Variants in CDX1 observed in about 807,000 individuals in gnomAD.
CDX1 encodes homeobox protein CDX-1.
Under a neutral mutation model 16.9 loss-of-function variants are expected in CDX1, and 9 were observed. The ratio of observed to expected loss-of-function variants is 0.53; its 90% CI spans 0.32 to 0.93. CDX1 has a LOEUF of 0.93. Ranked by LOEUF, CDX1 falls within the 40% of genes least tolerant of loss-of-function variation. The pLI is 0.04. For synonymous variants in CDX1, 179 were observed against 179.0 expected (o/e 1.00, Z 0.00); for missense variants, 393 against 386.1 (o/e 1.02, Z -0.15).
intron 1 of CDX1, 73 bp from the exon 2 acceptor site, chr5:150,182,695 G>T: frequency 7.0e-7 from 1 of 1,434,814 alleles, no homozygotes; most frequent in Non-Finnish European, 9.3e-7. Context: ...TCCTCCTGGG[G>T]GTCCTGCCTG....
chr5:150,171,145 C>T (rs1403401780), intron 1 of CDX1, among the ~76,000 whole-genome samples: 4 of 152,142 alleles, frequency 2.6e-5, no homozygotes, highest in Non-Finnish European at 5.9e-5. Context: ...TCCCCTCCCC[C>T]CACATTGCAG....
Position 150,172,544 on chromosome 5 carries a change from C to T in CDX1, c.445+5223C>T, listed in dbSNP as rs892833268. On this transcript the variant is annotated intron_variant, in intron 1 of 2. Transcript: ENST00000231656. ...TACACCCAGTCTACAGCCCAGCAAT[C>T]GTCTGTGAAATAAAGACACACTCAC... Among the ~76,000 whole-genome samples the T allele has an allele frequency of 2.6e-5, 4 of 152,118 alleles. No homozygotes were observed. In the South Asian group the frequency reaches 8.3e-4, roughly 32 times the overall value.
intron 1 of CDX1, among the ~76,000 whole-genome samples, chr5:150,167,653 C>T (rs1260692933): frequency 6.6e-6 from 1 of 152,362 alleles, no homozygotes; most frequent in Non-Finnish European, 1.5e-5. Context: ...TTAGCAACAC[C>T]GACTCCGTGC....
At chr5:150,176,202 G>A (rs556717059) in intron 1 of CDX1, among the ~76,000 whole-genome samples, 17 of 152,268 alleles carry the variant, frequency 1.1e-4, no homozygotes, top group East Asian at 1.9e-4. Context: ...CCCTTGCAGC[G>A]CTCCTACAAG....
At chr5:150,167,711 C>G (rs1477943146) in intron 1 of CDX1, among the ~76,000 whole-genome samples, 1 of 152,266 alleles carries the variant, frequency 6.6e-6, no homozygotes, top group Admixed American at 6.5e-5. Context: ...GCAAAGGCGG[C>G]AGGTTCGCCC....
intron 1 of CDX1, 27 bp from the exon 2 acceptor site, chr5:150,182,741 T>G (rs781624212): frequency 1.0e-5 from 16 of 1,533,060 alleles, no homozygotes; most frequent in East Asian, 7.3e-5. Flanking sequence ...CAACTCACCT[T>G]CCTTCCCGGC....
rs142955459 is a variant in CDX1, at chr5:150,183,598, C to T, written c.716C>T (p.Ser239Phe). 3.0e-5 allele frequency: 49 copies of T among 1,610,030 alleles called. No homozygotes were observed. In the African/African-American group the frequency reaches 6.1e-4, roughly 20 times the overall value. ...HDITATPAGP[S>F]LGGLCPSNTS... Reference sequence around the variant, plus strand: ...ATCACGGCCACCCCAGCCGGGCCATCCCTGGGGGGCCTGTGTCCCAGCAAC... The same window carrying T: ...ATCACGGCCACCCCAGCCGGGCCATTCCTGGGGGGCCTGTGTCCCAGCAAC... The change falls in exon 3 of 3, where the codon TCC (serine) becomes TTC (phenylalanine). Residue 239 changes from serine (S) to phenylalanine (F), a missense_variant. Transcript: ENST00000231656.
At chr5:150,169,699 G>A (rs1027106596) in intron 1 of CDX1, among the ~76,000 whole-genome samples, 3 of 152,182 alleles carry the variant, frequency 2.0e-5, no homozygotes, top group African/African-American at 7.2e-5. Context: ...CAGGACAGCT[G>A]AAGGAGGATC....
At chr5:150,178,708 A>G (rs1250139817) in intron 1 of CDX1, among the ~76,000 whole-genome samples, 3 of 152,192 alleles carry the variant, frequency 2.0e-5, no homozygotes. Context: ...GTGGCTTTCC[A>G]ACCTCCAGTG....
At chr5:150,168,728 T>C (rs1014670331) in intron 1 of CDX1, among the ~76,000 whole-genome samples, 129 of 152,352 alleles carry the variant, frequency 8.5e-4, no homozygotes, top group African/African-American at 2.1e-3. Context: ...CCACTAAGTC[T>C]GTGCTCTAAT....
rs1752497972 is a variant in CDX1 at position 150,183,545 on chromosome 5, G to T, written c.663G>T (p.Gln221His). 1.2e-6 allele frequency: 2 copies of T among 1,612,142 alleles called. No individual in the cohort carries two copies. The highest frequency in any genetic ancestry group is 1.7e-6 in the Non-Finnish European group (2 of 1,178,822). ...ACAAGAAGAAACAGCAGCAGCAACAGCCCCCACAGCCGCCGATGGCCCACG... is the reference window on the plus strand; with the variant it reads ...ACAAGAAGAAACAGCAGCAGCAACATCCCCCACAGCCGCCGATGGCCCACG... ...KVNKKKQQQQ[Q>H]PPQPPMAHDI... The change falls in exon 3 of 3, where the codon CAG (glutamine) becomes CAT (histidine). Residue 221 changes from glutamine to histidine, a missense_variant. By Grantham distance (24) the Gln-to-His change is conservative. Coordinates refer to ENST00000231656, the MANE Select transcript of CDX1 (RefSeq NM_001804.3).
At chr5:150,183,285 AG>A (rs1163546285) in intron 2 of CDX1, among the ~76,000 whole-genome samples, 188 bp from the exon 3 acceptor site, 2 of 152,118 alleles carry the variant, frequency 1.3e-5, no homozygotes, top group Non-Finnish European at 2.9e-5. Context: ...GGGCATCTCC[AG>A]GGTAGGGGTG....
intron 1 of CDX1, among the ~76,000 whole-genome samples, chr5:150,180,787 G>A (rs1340774782): frequency 6.6e-6 from 1 of 152,070 alleles, no homozygotes; most frequent in East Asian, 1.9e-4. Context: ...ACAAGCCCAG[G>A]CCAAGCATGA....
chr5:150,169,416 G>A (rs11955213), intron 1 of CDX1, among the ~76,000 whole-genome samples: 3 of 152,016 alleles, frequency 2.0e-5, no homozygotes, highest in Non-Finnish European at 2.9e-5. Flanking sequence ...GGTTCCCAAG[G>A]CTCCAGGAAA....
In CDX1 at chr5:150,166,985, C is replaced by G. The variant is rs1761430792; in HGVS notation, c.109C>G (p.Pro37Ala). Residue 37 changes from proline (P) to alanine (A), a missense_variant, in exon 1 of 3, where the codon CCG becomes GCG. Coordinates refer to ENST00000231656, the MANE Select transcript of CDX1 (RefSeq NM_001804.3). ...AGCCTACGGCCCCCCGGCCCCGCCC[C>G]CGGCGCCCCCGCAGTACCCCGACTT... ...PQAYGPPAPP[P>A]APPQYPDFSS... The G allele has an allele frequency of 6.9e-7, 1 of 1,446,996 alleles. No homozygotes were observed. The highest frequency in any genetic ancestry group is 3.0e-5 in the East Asian group (1 of 33,082). The allele number at this position is 1,446,996 out of a possible 1,614,324, so 89.6% of individuals were successfully genotyped here.
At chr5:150,180,923 C>T (rs1463258701) in intron 1 of CDX1, among the ~76,000 whole-genome samples, 3 of 152,152 alleles carry the variant, frequency 2.0e-5, no homozygotes, top group South Asian at 2.1e-4. Context: ...GCCAAGGCAC[C>T]GCCCTCTCTC....
In CDX1 at chr5:150,166,923, G is replaced by A; in HGVS notation, c.47G>A (p.Gly16Asp). Residue 16 changes from glycine (G) to aspartate (D), a missense_variant, in exon 1 of 3, where the codon GGC (glycine) becomes GAC (aspartate). By Grantham distance (94) the Gly-to-Asp change is moderately conservative (BLOSUM62 -1). Coordinates refer to ENST00000231656, the MANE Select transcript of CDX1 (RefSeq NM_001804.3). ...GACAAGGATTCGCCCGTGTACCCCG[G>A]CCCAGCCAGGCCAGCCAGCCTCGGC... ...VLDKDSPVYP[G>D]PARPASLGLG... The A allele has an allele frequency of 1.3e-6, 2 of 1,509,388 alleles. No individual in the cohort carries two copies. The highest frequency in any genetic ancestry group is 8.8e-7 in the Non-Finnish European group (1 of 1,136,150). 93.5% of individuals were successfully genotyped at this position (1,509,388 alleles called of 1,614,324 possible).
At chr5:150,169,748 G>A (rs1190534482) in intron 1 of CDX1, among the ~76,000 whole-genome samples, 1 of 152,152 alleles carries the variant, frequency 6.6e-6, no homozygotes, top group African/African-American at 2.4e-5. Context: ...ACTGGCACTG[G>A]CCACCAGGTC....
chr5:150,175,891 T>C (rs1348417219), intron 1 of CDX1, among the ~76,000 whole-genome samples: 1 of 152,228 alleles, frequency 6.6e-6, no homozygotes, highest in African/African-American at 2.4e-5. Context: ...CATGCTCACT[T>C]CTGCAAATAG....
Sources: allele counts gnomAD v4.1 joint callset (sites outside exome capture counted in the v4.1 genomes callset), GRCh38; gene constraint gnomAD v4.1.1; transcripts MANE v1.5; gene names NCBI Gene and HGNC (gene_info 2026-07-23, HGNC 2026-07-21).